The following SLC2A13 variants were observed in gnomAD, a reference collection of about 807,000 sequenced individuals.
SLC2A13 encodes proton myo-inositol cotransporter.
In SLC2A13, 32 loss-of-function variants were observed where a neutral mutation model predicts 64.4. The ratio of observed to expected loss-of-function variants is 0.50; its 90% CI spans 0.37 to 0.67. The LOEUF is 0.67. SLC2A13 is among the 30% of genes least tolerant of loss of function. The pLI is 0.00. For missense variants in SLC2A13, 743 were observed against 829.2 expected (o/e 0.90, Z 1.28); for synonymous variants, 338 against 327.1 (o/e 1.03, Z -0.36).
At chr12:39,969,068 C>A (rs898722109) in intron 3 of SLC2A13, among the ~76,000 whole-genome samples, 1 of 151,852 alleles carries the variant, frequency 6.6e-6, no homozygotes, top group African/African-American at 2.4e-5. Context: ...TTTGTCCTTG[C>A]GATAGTTTGC....
intron 1 of SLC2A13, among the ~76,000 whole-genome samples, chr12:40,096,541 T>C (rs948211423): frequency 6.6e-6 from 1 of 151,964 alleles, no homozygotes; most frequent in African/African-American, 2.4e-5. Context: ...CTTAAACCAA[T>C]ATACTAGAGA....
rs577819102 is a variant in SLC2A13, at chr12:39,897,887, T to C, written c.1035-25926A>G. 2.6e-5 allele frequency among the ~76,000 whole-genome samples: 4 copies of C among 152,142 alleles called. No individual in the cohort carries two copies. The South Asian group carries it at 6.2e-4, about 24-fold the overall frequency. On this transcript the variant is annotated intron_variant, in intron 4 of 9. Transcript: ENST00000280871. ...TTAAACTGAATACATAAAAATACAA[T>C]ATATAAGACATTTTTATGTAGATCT...
At chr12:40,004,927 C>A (rs1272558720) in intron 3 of SLC2A13, among the ~76,000 whole-genome samples, 1 of 152,046 alleles carries the variant, frequency 6.6e-6, no homozygotes, top group Admixed American at 6.6e-5. Context: ...AGGTCTTTAT[C>A]CTTATTGTCT....
At chr12:39,828,503 CA>C (rs1942753977) in intron 7 of SLC2A13, among the ~76,000 whole-genome samples, 1 of 151,934 alleles carries the variant, frequency 6.6e-6, no homozygotes, top group Non-Finnish European at 1.5e-5. Flanking sequence ...TTGTTATTTG[CA>C]AAAAAGCCAA....
intron 7 of SLC2A13, among the ~76,000 whole-genome samples, chr12:39,808,068 C>A (rs1176469048): frequency 1.3e-5 from 2 of 152,120 alleles, no homozygotes; most frequent in African/African-American, 2.4e-5. Flanking sequence ...GTAACCACTA[C>A]CACAGACAAG....
chr12:40,024,054 C>G (rs1366129878), intron 3 of SLC2A13, among the ~76,000 whole-genome samples: 1 of 152,214 alleles, frequency 6.6e-6, no homozygotes, highest in African/African-American at 2.4e-5. Flanking sequence ...TGAAGCTAAG[C>G]AGAAAAGTTT....
At chr12:39,766,329 T>C (rs935728249) in intron 7 of SLC2A13, among the ~76,000 whole-genome samples, 3 of 152,112 alleles carry the variant, frequency 2.0e-5, no homozygotes, top group East Asian at 1.9e-4. Flanking sequence ...ATAAAAGTTA[T>C]GTTCCCATGA....
Position 40,035,216 on chromosome 12 carries a change from G to A in SLC2A13, c.717-6707C>T, listed in dbSNP as rs190119034. Among the ~76,000 whole-genome samples the A allele has an allele frequency of 6.6e-5, 10 of 152,116 alleles. No homozygotes were observed. The East Asian group carries it at 1.9e-3, about 29-fold the overall frequency. On this transcript the variant is annotated intron_variant, in intron 2 of 9. Coordinates refer to ENST00000280871, the MANE Select transcript of SLC2A13 (RefSeq NM_052885.4). ...CTATCCATGGATTTACAAAAGAAAT[G>A]GTCATCGTTATTGATCAATAACTAG...
intron 6 of SLC2A13, among the ~76,000 whole-genome samples, chr12:39,843,764 G>A (rs1943235496): frequency 6.6e-6 from 1 of 152,144 alleles, no homozygotes; most frequent in South Asian, 2.1e-4. Context: ...TGAGATATAA[G>A]CAGAGTTGTT....
chr12:40,101,801 C>CA (rs1276097434), intron 1 of SLC2A13, among the ~76,000 whole-genome samples: 2 of 151,768 alleles, frequency 1.3e-5, no homozygotes, highest in African/African-American at 4.8e-5. Flanking sequence ...AGTAGGGTAA[C>CA]AGAGCAAAAG....
At chr12:39,828,713 T>G (rs1286047506) in intron 7 of SLC2A13, among the ~76,000 whole-genome samples, 2 of 14,588 alleles carry the variant, frequency 1.4e-4, no homozygotes, top group African/African-American at 1.8e-3. Context: ...AGTAACTTAG[T>G]TTTTTTTTTT....
chr12:39,884,343 A>C (rs1944419821), intron 4 of SLC2A13, among the ~76,000 whole-genome samples: 1 of 152,226 alleles, frequency 6.6e-6, no homozygotes, highest in African/African-American at 2.4e-5. Context: ...ATGTCTTCAG[A>C]AAATAAAAGA....
At chr12:39,968,846 C>A (rs11174530) in intron 3 of SLC2A13, among the ~76,000 whole-genome samples, 1 of 144,792 alleles carries the variant, frequency 6.9e-6, no homozygotes, top group Non-Finnish European at 1.5e-5. Flanking sequence ...ATGTGCACAA[C>A]GTGCAGGTTT....
chr12:39,888,267 C>T (rs1201519846), intron 4 of SLC2A13, among the ~76,000 whole-genome samples: 1 of 152,102 alleles, frequency 6.6e-6, no homozygotes, highest in Non-Finnish European at 1.5e-5. Flanking sequence ...CTCTGTCACC[C>T]AGGCTGGAGT....
chr12:39,991,265 A>AT (rs1947134016), intron 3 of SLC2A13, among the ~76,000 whole-genome samples: 2 of 152,098 alleles, frequency 1.3e-5, no homozygotes, highest in Non-Finnish European at 2.9e-5. Flanking sequence ...CTTCAATCTT[A>AT]TATCTGGGTT....
chr12:39,971,997 A>AAATATATATATATATATAT (rs1375405006), intron 3 of SLC2A13, among the ~76,000 whole-genome samples: 366 of 77,080 alleles, frequency 4.7e-3, no homozygotes, highest in Non-Finnish European at 5.4e-3. Flanking sequence ...AAAAAAAAAA[A>AAATATATATATATATATAT]ATATATATAT....
chr12:40,064,302 T>C (rs1039403065), intron 1 of SLC2A13, among the ~76,000 whole-genome samples: 12 of 152,078 alleles, frequency 7.9e-5, no homozygotes, highest in Non-Finnish European at 1.8e-4. Flanking sequence ...TTAATATGTA[T>C]ACTCACGCAT....
At chr12:40,012,137 T>C (rs898694034) in intron 3 of SLC2A13, among the ~76,000 whole-genome samples, 4 of 152,238 alleles carry the variant, frequency 2.6e-5, no homozygotes, top group African/African-American at 9.6e-5. Context: ...GCAAGAAATA[T>C]TGTACATAAT....
chr12:40,048,014 A>G (rs1242819586), intron 2 of SLC2A13, 37 bp downstream of exon 2: 3 of 1,548,396 alleles, frequency 1.9e-6, no homozygotes, highest in Non-Finnish European at 8.7e-7. Context: ...CCCAAAATCA[A>G]GATTTGAAAA....
Sources: gnomAD v4.1 joint callset for allele counts (sites outside exome capture counted in the v4.1 genomes callset) on GRCh38, gnomAD v4.1.1 for gene constraint, MANE v1.5 for transcripts, NCBI Gene and HGNC (gene_info 2026-07-23, HGNC 2026-07-21) for gene names.